The following JAK1 variants were observed in gnomAD, a reference collection of about 807,000 sequenced individuals.
JAK1 encodes the protein Janus kinase 1, also known as tyrosine-protein kinase JAK1.
A neutral mutation model predicts 136.6 loss-of-function variants in JAK1; 16 were observed. The ratio of observed to expected loss-of-function variants is 0.12; its 90% CI spans 0.08 to 0.18. The LOEUF is 0.18. Among genes scored for constraint, JAK1 ranks in the 10% least tolerant of loss-of-function variants. JAK1 has a pLI of 1.00. For synonymous variants in JAK1, 492 were observed against 519.5 expected (o/e 0.95, Z 0.72); for missense variants, 859 against 1,450.1 (o/e 0.59, Z 6.62).
intron 1 of JAK1, among the ~76,000 whole-genome samples, chr1:64,933,470 A>G (rs990502303): frequency 1.4e-4 from 21 of 152,198 alleles, no homozygotes; most frequent in Non-Finnish European, 1.5e-5. Flanking sequence ...AGGGACTTGC[A>G]CAACACTGCC....
At chr1:64,927,561 C>T (rs1345578193) in intron 1 of JAK1, among the ~76,000 whole-genome samples, 1 of 152,174 alleles carries the variant, frequency 6.6e-6, no homozygotes, top group African/African-American at 2.4e-5. Flanking sequence ...TAGCTTGGTA[C>T]CCTGTCTCCT....
chr1:64,893,313 G>A (rs1299606718), intron 1 of JAK1, among the ~76,000 whole-genome samples: 1 of 152,294 alleles, frequency 6.6e-6, no homozygotes, highest in East Asian at 1.9e-4. Context: ...CAGTCAGAAA[G>A]AGGCCCATGT....
At chr1:65,012,088 A>T in intron 2 of JAK1, among the ~76,000 whole-genome samples, 1 of 152,358 alleles carries the variant, frequency 6.6e-6, no homozygotes, top group Admixed American at 6.5e-5. Context: ...GAAAACACAG[A>T]ACCTGGCTCA....
chr1:64,999,167 G>C (rs1005941894), intron 2 of JAK1, among the ~76,000 whole-genome samples: 12 of 152,124 alleles, frequency 7.9e-5, no homozygotes, highest in African/African-American at 2.9e-4. Context: ...TGACCTTGAA[G>C]GCTCTATAAA....
In JAK1 at chr1:64,838,117, A is replaced by C. The variant is rs770714166; in HGVS notation, c.2968-13T>G. On this transcript the variant is annotated splice_polypyrimidine_tract_variant and intron_variant, in intron 21 of 24. Transcript: ENST00000342505. ...AATAGTCCATCCCCTGAGAGAGAGA[A>C]GTAAAAGTCAAGCACATTGCTAAAG... 1 of 1,607,710 alleles carries C rather than the reference A, an allele frequency of 6.2e-7. No homozygotes were observed. Among genetic ancestry groups the C allele is most frequent in the Non-Finnish European group, 8.5e-7 (1 of 1,175,706 alleles).
At chr1:64,868,464 C>A (rs1253769600) in intron 6 of JAK1, among the ~76,000 whole-genome samples, 1 of 152,142 alleles carries the variant, frequency 6.6e-6, no homozygotes, top group African/African-American at 2.4e-5. Flanking sequence ...GAAGAACTGT[C>A]ATTTTTCAAT....
chr1:64,964,310 C>T (rs1646335847), intron 1 of JAK1, among the ~76,000 whole-genome samples: 2 of 152,294 alleles, frequency 1.3e-5, no homozygotes, highest in African/African-American at 4.8e-5. Context: ...GAAAAAAACA[C>T]CAGAGGAATC....
chr1:64,985,508 C>T, intron 2 of JAK1: 1 of 1,550,996 alleles, frequency 6.4e-7, no homozygotes, highest in Middle Eastern at 1.7e-4. Flanking sequence ...CACTTTGTAG[C>T]ATAGCAGGAG....
At chr1:64,905,987 C>T (rs1270214086) in intron 1 of JAK1, among the ~76,000 whole-genome samples, 2 of 152,148 alleles carry the variant, frequency 1.3e-5, no homozygotes, top group Non-Finnish European at 2.9e-5. Flanking sequence ...GTTCAAATGC[C>T]ACATGCATGC....
At chr1:65,049,426 AAAC>A (rs1328110531) in intron 1 of JAK1, among the ~76,000 whole-genome samples, 2 of 151,824 alleles carry the variant, frequency 1.3e-5, no homozygotes, top group African/African-American at 4.9e-5. Flanking sequence ...TGTCTCAAAC[AAAC>A]AACAATGACA....
intron 5 of JAK1, among the ~76,000 whole-genome samples, chr1:64,870,039 C>A (rs757368854): frequency 6.6e-6 from 1 of 152,158 alleles, no homozygotes; most frequent in Non-Finnish European, 1.5e-5. Flanking sequence ...GATGGAGGTG[C>A]ACAGCATTCT....
intron 3 of JAK1, among the ~76,000 whole-genome samples, chr1:64,881,675 C>T (rs1383031936): frequency 1.3e-5 from 2 of 152,084 alleles, no homozygotes; most frequent in African/African-American, 4.8e-5. Context: ...GGCTAGAAAC[C>T]GACACCCCAA....
intron 17 of JAK1, among the ~76,000 whole-genome samples, 188 bp from the exon 18 acceptor site, chr1:64,841,789 T>C (rs1654923658): frequency 6.6e-6 from 1 of 152,134 alleles, no homozygotes; most frequent in Non-Finnish European, 1.5e-5. Context: ...TACTGAATAG[T>C]CCAAATTCAA....
At chr1:64,921,775 C>T (rs1175778743) in intron 1 of JAK1, among the ~76,000 whole-genome samples, 1 of 152,024 alleles carries the variant, frequency 6.6e-6, no homozygotes, top group Non-Finnish European at 1.5e-5. Context: ...TCTCTATTCC[C>T]TTCTTAGTCC....
intron 5 of JAK1, 90 bp from the exon 6 acceptor site, chr1:64,869,564 C>T: frequency 1.0e-6 from 1 of 983,692 alleles, no homozygotes; most frequent in Non-Finnish European, 1.6e-6. Context: ...CCTAGAAACG[C>T]AGCACAGCAA....
intron 12 of JAK1, among the ~76,000 whole-genome samples, chr1:64,848,580 G>C (rs1570629768): frequency 6.6e-6 from 1 of 152,284 alleles, no homozygotes; most frequent in Non-Finnish European, 1.5e-5. Context: ...TCCGTGCAAA[G>C]CCCTAGCCAT....
At chr1:64,985,382 G>A in intron 2 of JAK1, 1 of 1,611,194 alleles carries the variant, frequency 6.2e-7, no homozygotes, top group Non-Finnish European at 8.5e-7. Flanking sequence ...TCTCCTGGAT[G>A]TCTTGGGATA....
intron 1 of JAK1, among the ~76,000 whole-genome samples, chr1:64,934,980 C>A (rs561410569): frequency 6.6e-6 from 1 of 152,252 alleles, no homozygotes; most frequent in African/African-American, 2.4e-5. Context: ...ATCAACTTAT[C>A]AAACCAATTT....
chr1:64,871,180 C>T (rs1252538245), intron 5 of JAK1, among the ~76,000 whole-genome samples: 3 of 152,302 alleles, frequency 2.0e-5, no homozygotes, highest in African/African-American at 7.2e-5. Flanking sequence ...TGTCCCCTTT[C>T]TCTGTTGTCT....
Sources: gnomAD v4.1 joint callset for allele counts (sites outside exome capture counted in the v4.1 genomes callset) on GRCh38, gnomAD v4.1.1 for gene constraint, MANE v1.5 for transcripts, NCBI Gene and HGNC (gene_info 2026-07-23, HGNC 2026-07-21) for gene names.